WNT9A: variants seen among roughly 807,000 people sequenced by gnomAD.
The protein encoded by WNT9A is protein Wnt-9a.
In WNT9A, 8 loss-of-function variants were observed where a neutral mutation model predicts 31.4. The ratio of observed to expected loss-of-function variants is 0.26; its 90% CI spans 0.15 to 0.46. The LOEUF (loss-of-function observed/expected upper bound fraction) is 0.46. Ranked by LOEUF, WNT9A falls within the 20% of genes least tolerant of loss-of-function variation. WNT9A has a pLI of 0.99. For synonymous variants in WNT9A, 236 were observed against 220.1 expected, an observed-to-expected ratio of 1.07 and a Z score of -0.64; for missense variants, 457 against 522.9, an observed-to-expected ratio of 0.87 and a Z score of 1.23.
chr1:227,937,899 C>A (rs1233380069), intron 1 of WNT9A, among the ~76,000 whole-genome samples: 1 of 152,302 alleles, frequency 6.6e-6, no homozygotes, highest in African/African-American at 2.4e-5. Context: ...GGGCCACCTG[C>A]GGTCCCAGAG....
chr1:227,924,642 G>A (rs929457052), intron 2 of WNT9A, among the ~76,000 whole-genome samples: 12 of 152,114 alleles, frequency 7.9e-5, no homozygotes, highest in South Asian at 2.1e-4. Context: ...CCATGGCTCC[G>A]GCTCCGTGGT....
At position 227,924,127 on chromosome 1, in the gene WNT9A, A is replaced by G. The variant is rs747264017; in HGVS notation, c.615+11T>C. Reference sequence around the variant, plus strand: ...CCTCCCTTCCCACCCCGCCAGCCCCACCCCACTTGCCTTCACACCCACGAG... The same window carrying G: ...CCTCCCTTCCCACCCCGCCAGCCCCGCCCCACTTGCCTTCACACCCACGAG... On this transcript the variant is annotated intron_variant, in intron 3 of 3. Transcript: ENST00000272164. 4.3e-6 allele frequency: 2 copies of G among 460,334 alleles called. No homozygotes were observed. Among genetic ancestry groups the G allele is most frequent in the East Asian group, 1.6e-4 (2 of 12,652 alleles). 28.5% of individuals were successfully genotyped at this position (460,334 alleles called of 1,614,324 possible).
rs948983530 is a variant in WNT9A at position 227,942,069 on chromosome 1, C to T, written c.95+5724G>A. Among the ~76,000 whole-genome samples, 1 of 152,120 alleles carries T rather than the reference C, an allele frequency of 6.6e-6. No individual in the cohort carries two copies. Among genetic ancestry groups the T allele is most frequent in the African/African-American group, 2.4e-5 (1 of 41,432 alleles). On this transcript the variant is annotated intron_variant, in intron 1 of 3. Coordinates refer to ENST00000272164, the MANE Select transcript of WNT9A (RefSeq NM_003395.4). The surrounding 1 kb of genome is among the most constrained non-coding windows in gnomAD (Gnocchi z 5.7). The stretch of plus-strand genomic sequence containing the variant: ...TTGATGGCCAAACCCCAGAGCAGGG[C>T]ACCCCCAGCCCGGGCCACCCCAGCA...
intron 1 of WNT9A, among the ~76,000 whole-genome samples, chr1:227,945,126 C>T (rs1426940432): frequency 2.0e-5 from 3 of 152,212 alleles, no homozygotes; most frequent in Non-Finnish European, 4.4e-5. Flanking sequence ...AAGGGCGAAG[C>T]GAGAGGGGCC....
At chr1:227,927,303 G>C (rs1666435167) in intron 1 of WNT9A, among the ~76,000 whole-genome samples, 2 of 152,142 alleles carry the variant, frequency 1.3e-5, no homozygotes, top group African/African-American at 4.8e-5. Context: ...AGGAGCCCAA[G>C]GGCCCTTCTA....
chr1:227,921,623 C>G lies in WNT9A; in HGVS notation c.993G>C (p.Gln331His). 1.9e-6 allele frequency: 3 copies of G among 1,613,468 alleles called. No individual in the cohort carries two copies. The highest frequency in any genetic ancestry group is 1.7e-6 in the Non-Finnish European group (2 of 1,180,006). ...SICCGRGHNT[Q>H]SRVVTRPCQC... Reference sequence around the variant, plus strand: ...GGCAGGGCCTTGTCACCACCCGGCTCTGTGTGTTATGGCCGCGGCCACAGC... The same window carrying G: ...GGCAGGGCCTTGTCACCACCCGGCTGTGTGTGTTATGGCCGCGGCCACAGC... Residue 331 changes from glutamine to histidine, a missense_variant, in exon 4 of 4, where the codon CAG becomes CAC. By Grantham distance (24) the Gln-to-His change is conservative. Coordinates refer to ENST00000272164, the MANE Select transcript of WNT9A (RefSeq NM_003395.4).
intron 1 of WNT9A, among the ~76,000 whole-genome samples, chr1:227,935,391 AATCT>A (rs1342263362): frequency 2.0e-5 from 3 of 152,154 alleles, no homozygotes; most frequent in Non-Finnish European, 4.4e-5. Flanking sequence ...CCTGAGTCAC[AATCT>A]CAGGCTGCCA....
chr1:227,936,212 G>A (rs1031764490), intron 1 of WNT9A, among the ~76,000 whole-genome samples: 48 of 151,026 alleles, frequency 3.2e-4, no homozygotes, highest in African/African-American at 1.2e-3. Flanking sequence ...TTTTTCAGAC[G>A]GAGTCTCGCT....
chr1:227,925,655 C>A lies in WNT9A; in HGVS notation c.96-136G>T. ...GGGGGCAGAAAGAATCCAGGATGAG[C>A]CAGGCAGGGGAGAGGGAGGCGAGAA... On this transcript the variant is annotated intron_variant, in intron 1 of 3. Transcript: ENST00000272164. This position sits in a 1 kb window ranked among gnomAD's most constrained non-coding sequence, Gnocchi z 6.0. The A allele has an allele frequency of 2.2e-6, 3 of 1,346,678 alleles. No individual in the cohort carries two copies. Among genetic ancestry groups the A allele is most frequent in the Non-Finnish European group, 2.9e-6 (3 of 1,025,594 alleles). 83.4% of individuals were successfully genotyped at this position (1,346,678 alleles called of 1,614,324 possible).
At chr1:227,944,346 G>T (rs1156301778) in intron 1 of WNT9A, among the ~76,000 whole-genome samples, 1 of 152,222 alleles carries the variant, frequency 6.6e-6, no homozygotes, top group Non-Finnish European at 1.5e-5. Context: ...CAGACAAGTG[G>T]TTGCCAGGGA....
chr1:227,926,450 A>G lies in WNT9A; in HGVS notation c.96-931T>C, dbSNP rs1027359577. 7.9e-5 allele frequency among the ~76,000 whole-genome samples: 12 copies of G among 151,540 alleles called. No individual in the cohort carries two copies. The highest frequency in any genetic ancestry group is 1.7e-4 in the African/African-American group (7 of 41,220). On this transcript the variant is annotated intron_variant, in intron 1 of 3. Coordinates refer to ENST00000272164, the MANE Select transcript of WNT9A (RefSeq NM_003395.4). This position sits in a 1 kb window ranked among gnomAD's most constrained non-coding sequence, Gnocchi z 5.0. The stretch of plus-strand genomic sequence containing the variant: ...CCCGCCCTGGCCCAGCCCAGCCCAT[A>G]TCGAGTCAAGAGCCCTCAACCCCAA...
Position 227,921,627 on chromosome 1 carries a change from G to A in WNT9A, c.989C>T (p.Thr330Ile), listed in dbSNP as rs1387953368. The A allele has an allele frequency of 6.2e-7, 1 of 1,613,312 alleles. No homozygotes were observed. Among genetic ancestry groups the A allele is most frequent in the African/African-American group, 1.3e-5 (1 of 74,910 alleles). Residue 330 changes from threonine (T) to isoleucine (I), a missense_variant, in exon 4 of 4, where the codon ACA (threonine) becomes ATA (isoleucine). Transcript: ENST00000272164. Reference protein sequence around the residue: ...ESICCGRGHNTQSRVVTRPCQ... With the variant: ...ESICCGRGHNIQSRVVTRPCQ... ...GGGCCTTGTCACCACCCGGCTCTGT[G>A]TGTTATGGCCGCGGCCACAGCAGAT... is the stretch of plus-strand genomic sequence containing the variant.
intron 1 of WNT9A, among the ~76,000 whole-genome samples, chr1:227,935,333 G>A (rs865931134): frequency 3.3e-5 from 5 of 151,976 alleles, no homozygotes; most frequent in African/African-American, 9.7e-5. Flanking sequence ...CACTATAGTG[G>A]GGACTGTGAC....
In WNT9A at chr1:227,919,722, C is replaced by G. The variant is rs79735944; in HGVS notation, c.*1796G>C. 75 of 145,764 alleles carry G rather than the reference C, an allele frequency of 5.1e-4. No individual in the cohort carries two copies. In the South Asian group the frequency reaches 5.5e-3, roughly 11 times the overall value. The allele number at this position is 145,764 out of a possible 1,614,324, so 9.0% of individuals were successfully genotyped here. A position where few individuals can be genotyped will look rare whatever the true frequency, so the allele number is the denominator to read the frequency against. On this transcript the variant is annotated 3_prime_UTR_variant, in exon 4 of 4. Coordinates refer to ENST00000272164, the MANE Select transcript of WNT9A (RefSeq NM_003395.4). Reference sequence around the variant, plus strand: ...ACACACACACACACACACACACACACAGACCATGCCAGCATGCATTTATAC... The same window carrying G: ...ACACACACACACACACACACACACAGAGACCATGCCAGCATGCATTTATAC...
chr1:227,923,270 C>T (rs1666357316), intron 3 of WNT9A, among the ~76,000 whole-genome samples: 1 of 152,168 alleles, frequency 6.6e-6, no homozygotes, highest in African/African-American at 2.4e-5. Context: ...TGGGGCTCTA[C>T]ATTCCCAGCC....
At chr1:227,936,772 C>G (rs867618657) in intron 1 of WNT9A, among the ~76,000 whole-genome samples, 1 of 152,136 alleles carries the variant, frequency 6.6e-6, no homozygotes, top group Non-Finnish European at 1.5e-5. Flanking sequence ...ATCACAGGCA[C>G]GAGGCACTGT....
chr1:227,942,520 T>C lies in WNT9A; in HGVS notation c.95+5273A>G, dbSNP rs1436092835. On this transcript the variant is annotated intron_variant, in intron 1 of 3. Coordinates refer to ENST00000272164, the MANE Select transcript of WNT9A (RefSeq NM_003395.4). The surrounding 1 kb of genome is among the most constrained non-coding windows in gnomAD (Gnocchi z 5.7). Reference sequence around the variant, plus strand: ...AAATGCCCCGACTTTCCACTGGCCCTGTCCTCTCCTCTCCATGCTAAGAAG... The same window carrying C: ...AAATGCCCCGACTTTCCACTGGCCCCGTCCTCTCCTCTCCATGCTAAGAAG... Among the ~76,000 whole-genome samples, 2 of 152,092 alleles carry C rather than the reference T, an allele frequency of 1.3e-5. No homozygotes were observed. The highest frequency in any genetic ancestry group is 2.9e-5 in the Non-Finnish European group (2 of 67,968).
At chr1:227,938,716 T>C (rs1313460907) in intron 1 of WNT9A, among the ~76,000 whole-genome samples, 1 of 152,172 alleles carries the variant, frequency 6.6e-6, no homozygotes, top group Admixed American at 6.5e-5. Context: ...AAATTCGCTT[T>C]AGTTGTTTCA....
chr1:227,941,194 A>G (rs1278368485), intron 1 of WNT9A, among the ~76,000 whole-genome samples: 1 of 152,188 alleles, frequency 6.6e-6, no homozygotes, highest in Non-Finnish European at 1.5e-5. Flanking sequence ...TGCCAGGTGA[A>G]TGAGTGACAC....
Sources: allele counts gnomAD v4.1 joint callset (sites outside exome capture counted in the v4.1 genomes callset), GRCh38; gene constraint gnomAD v4.1.1; non-coding constraint Gnocchi (gnomAD v3.1); transcripts MANE v1.5; gene names NCBI Gene and HGNC (gene_info 2026-07-23, HGNC 2026-07-21).